The following ZNF385D variants were observed in gnomAD, a reference collection of about 807,000 sequenced individuals.
ZNF385D encodes zinc finger protein 659.
ZNF385D carries 15 observed loss-of-function variants against 35.8 expected under a neutral mutation model. The observed-to-expected ratio is 0.42, with a 90% CI of 0.28 to 0.64. The LOEUF is 0.64. Among genes scored for constraint, ZNF385D ranks in the 30% least tolerant of loss-of-function variants. The pLI, the probability that ZNF385D is intolerant of heterozygous loss-of-function variation, is 0.23. For missense variants in ZNF385D, 474 were observed against 494.6 expected, an observed-to-expected ratio of 0.96 and a Z score of 0.39; for synonymous variants, 212 against 186.8, an observed-to-expected ratio of 1.13 and a Z score of -1.10.
chr3:22,260,880 A>C (rs1294115077), intron 2 of ZNF385D, among the ~76,000 whole-genome samples: 1 of 152,042 alleles, frequency 6.6e-6, no homozygotes, highest in Non-Finnish European at 1.5e-5. Flanking sequence ...TTCTATGGTA[A>C]CAGTTTTAGT....
chr3:22,326,922 G>A (rs907197568), intron 2 of ZNF385D, among the ~76,000 whole-genome samples: 2 of 152,160 alleles, frequency 1.3e-5, no homozygotes, highest in African/African-American at 4.8e-5. Flanking sequence ...CAGAGTGCCA[G>A]AAAATAGGAA....
intron 3 of ZNF385D, among the ~76,000 whole-genome samples, chr3:22,048,391 A>C (rs759857105): frequency 6.6e-6 from 1 of 152,132 alleles, no homozygotes; most frequent in Non-Finnish European, 1.5e-5. Flanking sequence ...CTTATATTTA[A>C]GTCTTTGATC....
At chr3:22,210,386 G>A (rs908613769) in intron 2 of ZNF385D, among the ~76,000 whole-genome samples, 1 of 151,878 alleles carries the variant, frequency 6.6e-6, no homozygotes, top group African/African-American at 2.4e-5. Flanking sequence ...CCACAGGTGA[G>A]TTGAGAATTA....
At chr3:21,826,103 G>C (rs1222414792) in intron 3 of ZNF385D, among the ~76,000 whole-genome samples, 2 of 152,250 alleles carry the variant, frequency 1.3e-5, no homozygotes, top group African/African-American at 2.4e-5. Flanking sequence ...AAAACGTTGG[G>C]GACGGCTGCT....
chr3:21,831,792 T>C (rs1296951897), intron 3 of ZNF385D, among the ~76,000 whole-genome samples: 1 of 152,126 alleles, frequency 6.6e-6, no homozygotes, highest in Non-Finnish European at 1.5e-5. Context: ...CAATTCTGGA[T>C]TGTTAGGATG....
intron 1 of ZNF385D, among the ~76,000 whole-genome samples, chr3:21,737,438 A>G (rs1015578333): frequency 6.7e-6 from 1 of 149,690 alleles, no homozygotes; most frequent in Non-Finnish European, 1.5e-5. Context: ...TACTTCCATT[A>G]TATGTATAAA....
chr3:22,277,680 G>A (rs962959978), intron 2 of ZNF385D, among the ~76,000 whole-genome samples: 1 of 152,046 alleles, frequency 6.6e-6, no homozygotes, highest in African/African-American at 2.4e-5. Context: ...TAGCACAAAT[G>A]TTTTTTACAA....
chr3:21,794,078 A>C (rs1446559730), intron 3 of ZNF385D, among the ~76,000 whole-genome samples: 1 of 152,172 alleles, frequency 6.6e-6, no homozygotes, highest in Non-Finnish European at 1.5e-5. Flanking sequence ...GATGTAAAAA[A>C]CTACTGCTGA....
At chr3:22,132,402 A>C (rs1703855928) in intron 3 of ZNF385D, among the ~76,000 whole-genome samples, 1 of 152,136 alleles carries the variant, frequency 6.6e-6, no homozygotes, top group South Asian at 2.1e-4. Flanking sequence ...TGCTATTTAA[A>C]ATCTACCCAG....
chr3:22,003,132 G>A (rs897798604), intron 3 of ZNF385D, among the ~76,000 whole-genome samples: 2 of 152,082 alleles, frequency 1.3e-5, no homozygotes, highest in African/African-American at 4.8e-5. Flanking sequence ...AAGTCAAATT[G>A]TCCTTCTTCG....
chr3:22,104,209 G>C (rs754466950), intron 3 of ZNF385D, among the ~76,000 whole-genome samples: 2 of 152,192 alleles, frequency 1.3e-5, no homozygotes, highest in Admixed American at 6.5e-5. Context: ...TCCAGCAGGT[G>C]CATCTGTGAA....
intron 4 of ZNF385D, among the ~76,000 whole-genome samples, chr3:21,480,268 A>G (rs1704532071): frequency 2.0e-5 from 3 of 151,686 alleles, no homozygotes; most frequent in Admixed American, 1.3e-4. Context: ...ACACCCAGCT[A>G]ATTTTTGTAT....
intron 3 of ZNF385D, among the ~76,000 whole-genome samples, chr3:22,013,796 G>C (rs1243812857): frequency 1.3e-5 from 2 of 152,104 alleles, no homozygotes; most frequent in East Asian, 1.9e-4. Context: ...CATGTTTACA[G>C]AGGAGACTCA....
chr3:22,168,936 A>G, exon 3 of ZNF385D: 1 of 985,860 alleles, frequency 1.0e-6, no homozygotes. Flanking sequence ...TACATTGCAC[A>G]AAGTAAAGTT....
intron 3 of ZNF385D, among the ~76,000 whole-genome samples, chr3:21,838,231 G>T (rs1289353748): frequency 2.0e-5 from 3 of 152,078 alleles, no homozygotes; most frequent in Non-Finnish European, 2.9e-5. Context: ...GATTGCCTGG[G>T]GAGACAATGC....
At chr3:21,516,160 A>C (rs1232842360) in intron 3 of ZNF385D, among the ~76,000 whole-genome samples, 1 of 152,188 alleles carries the variant, frequency 6.6e-6, no homozygotes, top group Non-Finnish European at 1.5e-5. Context: ...CTTGAAAAAC[A>C]CCAACCTCAG....
intron 2 of ZNF385D, among the ~76,000 whole-genome samples, chr3:21,599,102 G>A (rs1056972306): frequency 6.6e-6 from 1 of 152,102 alleles, no homozygotes; most frequent in African/African-American, 2.4e-5. Context: ...TTTTCTACAG[G>A]AGGTTACCAA....
intron 2 of ZNF385D, among the ~76,000 whole-genome samples, chr3:22,188,996 T>G (rs1695836091): frequency 6.6e-6 from 1 of 152,110 alleles, no homozygotes; most frequent in African/African-American, 2.4e-5. Context: ...CAAGTTCTCT[T>G]AGAAAGCCCA....
At chr3:22,023,421 C>T (rs147076687) in intron 3 of ZNF385D, among the ~76,000 whole-genome samples, 29 of 152,162 alleles carry the variant, frequency 1.9e-4, no homozygotes, top group Non-Finnish European at 3.4e-4. Context: ...GAAAACCCAG[C>T]GGCATAGACC....
Sources: gnomAD v4.1 joint callset for allele counts (sites outside exome capture counted in the v4.1 genomes callset) on GRCh38, gnomAD v4.1.1 for gene constraint, MANE v1.5 for transcripts, NCBI Gene and HGNC (gene_info 2026-07-23, HGNC 2026-07-21) for gene names.